The following ANK3 variants were observed in gnomAD, a reference collection of about 807,000 sequenced individuals.
ANK3 encodes the protein ankyrin-3.
ANK3 carries 57 observed loss-of-function variants against 370.9 expected under a neutral mutation model. The ratio of observed to expected loss-of-function variants is 0.15; its 90% CI spans 0.12 to 0.19. The LOEUF is 0.19. Among genes scored for constraint, ANK3 ranks in the 10% least tolerant of loss-of-function variants. The probability of loss-of-function intolerance (pLI) is 1.00; values close to 1 mark genes in which losing one functional copy is unlikely to be tolerated. For synonymous variants in ANK3, 1,929 were observed against 1,946.3 expected, an observed-to-expected ratio of 0.99 and a Z score of 0.23; for missense variants, 4,439 against 5,302.1, an observed-to-expected ratio of 0.84 and a Z score of 5.06.
chr10:60,702,255 G>C (rs977529252), intron 1 of ANK3, among the ~76,000 whole-genome samples: 17 of 140,046 alleles, frequency 1.2e-4, no homozygotes, highest in African/African-American at 3.5e-4. Flanking sequence ...AATAGGACAA[G>C]ACCCTGTCTC....
intron 7 of ANK3, among the ~76,000 whole-genome samples, chr10:60,258,528 A>C (rs1359382787): frequency 6.6e-6 from 1 of 152,262 alleles, no homozygotes; most frequent in Admixed American, 6.5e-5. Context: ...TTACTGCTGC[A>C]TGAATTAGTT....
chr10:60,550,003 T>A (rs2077053849), intron 2 of ANK3, among the ~76,000 whole-genome samples: 1 of 152,058 alleles, frequency 6.6e-6, no homozygotes, highest in Non-Finnish European at 1.5e-5. Context: ...GTATTTACCG[T>A]GCTTCCATAA....
intron 4 of ANK3, among the ~76,000 whole-genome samples, chr10:60,274,972 C>T (rs116705385): frequency 0.01 from 1,550 of 152,266 alleles, 41 homozygotes; most frequent in African/African-American, 0.036. Flanking sequence ...GTTGAGGCAT[C>T]ATTAACTCAA....
chr10:60,059,593 T>C (rs917901005), intron 40 of ANK3, 163 bp from the exon 41 acceptor site: 274 of 1,357,892 alleles, frequency 2.0e-4, no homozygotes, highest in Non-Finnish European at 2.6e-4. Flanking sequence ...GGACCAGATT[T>C]TCCTTTCTCC....
intron 2 of ANK3, among the ~76,000 whole-genome samples, chr10:60,444,941 C>T (rs1414952071): frequency 6.6e-6 from 1 of 152,012 alleles, no homozygotes; most frequent in Non-Finnish European, 1.5e-5. Flanking sequence ...TAAAAATGAA[C>T]TCTTTCTGCT....
At chr10:60,566,337 G>C (rs2077460079) in intron 2 of ANK3, among the ~76,000 whole-genome samples, 1 of 152,144 alleles carries the variant, frequency 6.6e-6, no homozygotes, top group Non-Finnish European at 1.5e-5. Context: ...AGGGAAGGAA[G>C]GGCCACACAT....
chr10:60,409,672 T>C (rs1169221954), intron 2 of ANK3, among the ~76,000 whole-genome samples: 1 of 152,124 alleles, frequency 6.6e-6, no homozygotes, highest in African/African-American at 2.4e-5. Context: ...TCCCACTCTG[T>C]ACTCTCTGCC....
intron 1 of ANK3, among the ~76,000 whole-genome samples, chr10:60,660,885 AG>A (rs777358929): frequency 6.6e-6 from 1 of 151,740 alleles, no homozygotes; most frequent in Non-Finnish European, 1.5e-5. Context: ...TGAGAAAAAA[AG>A]GAGCAAACCT....
chr10:60,226,282 TATGCTATATTA>T, intron 8 of ANK3, among the ~76,000 whole-genome samples: 1 of 104,220 alleles, frequency 9.6e-6, no homozygotes, highest in East Asian at 2.9e-4. Context: ...ACTATGTATA[TATGCTATATTA>T]TATAGTATAT....
chr10:60,186,507 C>A, intron 17 of ANK3: 2 of 639,182 alleles, frequency 3.1e-6, no homozygotes, highest in Non-Finnish European at 2.9e-6. Context: ...TGAGCCAGAG[C>A]AACTGGCGCA....
chr10:60,292,713 C>CTTTTT (rs55791354), intron 1 of ANK3, among the ~76,000 whole-genome samples: 14 of 138,960 alleles, frequency 1.0e-4, no homozygotes, highest in East Asian at 4.1e-4. Context: ...GACTTTCTTT[C>CTTTTT]TTTTTTTTTT....
intron 1 of ANK3, among the ~76,000 whole-genome samples, chr10:60,650,034 C>A (rs926993922): frequency 2.0e-5 from 3 of 152,206 alleles, no homozygotes; most frequent in African/African-American, 7.2e-5. Flanking sequence ...GAGCAGAAAT[C>A]TCCTGCCAAT....
chr10:60,611,375 G>A (rs903925778), intron 2 of ANK3, among the ~76,000 whole-genome samples: 18 of 152,216 alleles, frequency 1.2e-4, no homozygotes, highest in African/African-American at 4.3e-4. Context: ...CAGAGTGCTC[G>A]CACTTCTGAA....
At chr10:60,595,648 T>C (rs892925226) in intron 2 of ANK3, among the ~76,000 whole-genome samples, 4 of 152,066 alleles carry the variant, frequency 2.6e-5, no homozygotes, top group Admixed American at 2.6e-4. Context: ...GTGGCTAATT[T>C]GTTAGTTTTT....
chr10:60,460,072 C>G (rs1022273446), intron 2 of ANK3, among the ~76,000 whole-genome samples: 1 of 144,336 alleles, frequency 6.9e-6, no homozygotes, highest in Non-Finnish European at 1.5e-5. Context: ...AAGACAAAAG[C>G]CAGCCTAGAA....
chr10:60,216,144 T>C (rs1387678649), intron 8 of ANK3, among the ~76,000 whole-genome samples: 2 of 151,302 alleles, frequency 1.3e-5, no homozygotes, highest in African/African-American at 4.8e-5. Context: ...ATTTGGCACT[T>C]ATCAGTTTAA....
At chr10:60,059,462 C>G in intron 40 of ANK3, 32 bp from the exon 41 acceptor site, 1 of 1,568,698 alleles carries the variant, frequency 6.4e-7, no homozygotes, top group Non-Finnish European at 8.8e-7. Flanking sequence ...GTTCTGCTTG[C>G]TGAACACGCT....
At chr10:60,702,406 T>C (rs932534341) in intron 1 of ANK3, among the ~76,000 whole-genome samples, 5 of 152,250 alleles carry the variant, frequency 3.3e-5, no homozygotes, top group Admixed American at 6.5e-5. Context: ...ATACAAAACA[T>C]TGTACAGTAA....
intron 8 of ANK3, among the ~76,000 whole-genome samples, chr10:60,233,031 G>A (rs1158842420): frequency 6.6e-6 from 1 of 152,210 alleles, no homozygotes; most frequent in Non-Finnish European, 1.5e-5. Flanking sequence ...ATAGATGGAT[G>A]TTTGTCGTGA....
Sources: gnomAD v4.1 joint callset for allele counts (sites outside exome capture counted in the v4.1 genomes callset) on GRCh38, gnomAD v4.1.1 for gene constraint, MANE v1.5 for transcripts, NCBI Gene and HGNC (gene_info 2026-07-23, HGNC 2026-07-21) for gene names.